RGS6: variants seen among roughly 807,000 people sequenced by gnomAD.
RGS6 encodes the protein regulator of G-protein signaling 6.
A neutral mutation model predicts 78.5 loss-of-function variants in RGS6; 30 were observed. The observed-to-expected ratio is 0.38, with a 90% CI of 0.29 to 0.52. The LOEUF is 0.52. RGS6 is among the 20% of genes least tolerant of loss of function. The pLI, the probability that RGS6 is intolerant of heterozygous loss-of-function variation, is 0.85. For synonymous variants in RGS6, 206 were observed against 206.0 expected (o/e 1.00, Z 0.00); for missense variants, 495 against 609.7 (o/e 0.81, Z 1.98).
At chr14:72,389,236 A>T (rs2089257338) in intron 3 of RGS6, among the ~76,000 whole-genome samples, 1 of 152,130 alleles carries the variant, frequency 6.6e-6, no homozygotes, top group South Asian at 2.1e-4. Flanking sequence ...TGTTCCATCA[A>T]CTGTGTGGTC....
the RGS6 span, among the ~76,000 whole-genome samples, chr14:71,876,075 A>G: frequency 1.3e-5 from 2 of 152,174 alleles, no homozygotes; most frequent in Non-Finnish European, 1.5e-5. Context: ...CTATGTGGTC[A>G]ATTTTGGAAT....
chr14:72,469,207 CTT>C lies in RGS6; in HGVS notation c.460-785_460-784del, dbSNP rs11300461. 7.2e-3 allele frequency among the ~76,000 whole-genome samples: 1,008 copies of C among 139,428 alleles called. 5 individuals are homozygous for C. The highest frequency in any genetic ancestry group is 0.013 in the Non-Finnish European group (836 of 64,272). 91.5% of individuals were successfully genotyped at this position (139,428 alleles called of 152,430 possible). On this transcript the variant is annotated intron_variant, in intron 7 of 17. Transcript: ENST00000553525. The stretch of plus-strand genomic sequence containing the variant: ...AAACGTAGACACTCCGTTTGGGGCA[CTT>C]TTTTTTTTTTTTTTGAAACAGTTTC...
chr14:72,562,954 C>G lies in RGS6; in HGVS notation c.*487C>G. On this transcript the variant is annotated 3_prime_UTR_variant, in exon 18 of 18. Transcript: ENST00000553525. ...ATAGTTACAGCCACTACATCCCCAC[C>G]GCCGCCTGTCATCCCTCACGTCTCT... 1.6e-6 allele frequency: 1 copy of G among 618,104 alleles called. No homozygotes were observed. The highest frequency in any genetic ancestry group is 2.9e-6 in the Non-Finnish European group (1 of 343,452). The allele number at this position is 618,104 out of a possible 1,614,324, so 38.3% of individuals were successfully genotyped here.
chr14:72,470,411 C>T (rs766706029), intron 8 of RGS6, among the ~76,000 whole-genome samples: 9 of 152,326 alleles, frequency 5.9e-5, no homozygotes, highest in African/African-American at 1.2e-4. Context: ...CCATTTTACC[C>T]GTTGGACTGG....
the RGS6 span, among the ~76,000 whole-genome samples, chr14:72,588,415 C>T: frequency 1.2e-4 from 19 of 152,270 alleles, no homozygotes; most frequent in African/African-American, 4.6e-4. Context: ...AGAGTATGAG[C>T]TTAAAATATT....
At chr14:72,421,543 G>T (rs983863174) in intron 3 of RGS6, 1 of 152,098 alleles carries the variant, frequency 6.6e-6, no homozygotes, top group Non-Finnish European at 1.5e-5. Context: ...AGAGGATTTA[G>T]TTTCTCCTGA....
At chr14:71,890,360 G>GACAGAC in the RGS6 span, among the ~76,000 whole-genome samples, 12 of 148,016 alleles carry the variant, frequency 8.1e-5, no homozygotes, top group African/African-American at 2.5e-4. Context: ...GCATAAGACA[G>GACAGAC]AGAGAGAGAG....
intron 3 of RGS6, among the ~76,000 whole-genome samples, chr14:72,355,621 A>T (rs2080108211): frequency 6.6e-6 from 1 of 152,202 alleles, no homozygotes; most frequent in African/African-American, 2.4e-5. Flanking sequence ...TTTATATTCT[A>T]GTAGAGGAGG....
intron 2 of RGS6, among the ~76,000 whole-genome samples, chr14:72,307,664 TATTG>T (rs1386229202): frequency 2.4e-4 from 37 of 152,164 alleles, no homozygotes; most frequent in Non-Finnish European, 3.8e-4. Context: ...AATGTTTTAA[TATTG>T]ATTATTATGT....
At chr14:72,189,972 CT>C (rs2097301837) in intron 2 of RGS6, among the ~76,000 whole-genome samples, 2 of 152,082 alleles carry the variant, frequency 1.3e-5, no homozygotes, top group African/African-American at 4.8e-5. Context: ...CTCTTTAGTT[CT>C]CTCACCCCCT....
intron 2 of RGS6, among the ~76,000 whole-genome samples, chr14:71,994,855 C>T (rs766662442): frequency 7.9e-5 from 12 of 152,184 alleles, no homozygotes; most frequent in Non-Finnish European, 8.8e-5. Context: ...AACTGTGGGA[C>T]GATACATTTC....
chr14:72,354,258 A>C (rs1320918200), intron 3 of RGS6, among the ~76,000 whole-genome samples: 1 of 152,050 alleles, frequency 6.6e-6, no homozygotes, highest in African/African-American at 2.4e-5. Context: ...AGGTACCATC[A>C]TAGGTTCTGG....
intron 2 of RGS6, among the ~76,000 whole-genome samples, chr14:72,263,350 C>G (rs540589959): frequency 6.6e-6 from 1 of 152,266 alleles, no homozygotes; most frequent in South Asian, 2.1e-4. Context: ...TGGTGTTTCT[C>G]TGCAGACTCT....
At chr14:72,359,167 TTTTC>T (rs2080972995) in intron 3 of RGS6, among the ~76,000 whole-genome samples, 3 of 152,324 alleles carry the variant, frequency 2.0e-5, no homozygotes, top group South Asian at 2.1e-4. Context: ...ATTAAACCTC[TTTTC>T]TTTATTTCCC....
intron 2 of RGS6, among the ~76,000 whole-genome samples, chr14:72,049,437 G>A (rs548222525): frequency 9.8e-5 from 15 of 152,310 alleles, no homozygotes; most frequent in African/African-American, 3.6e-4. Context: ...GGAAAGCTTA[G>A]CAAAATGGTG....
intron 2 of RGS6, among the ~76,000 whole-genome samples, chr14:72,167,052 ATT>A (rs33942230): frequency 6.6e-6 from 1 of 151,802 alleles, no homozygotes; most frequent in African/African-American, 2.4e-5. Flanking sequence ...CAAATAAGTC[ATT>A]TTTTTTTCAT....
Position 72,470,017 on chromosome 14 carries a change from C to T in RGS6, c.470C>T (p.Ala157Val). The change falls in exon 8 of 18, where the codon GCA becomes GTA. Residue 157 changes from alanine (A) to valine (V), a missense_variant. Physicochemically the swap from Ala to Val is moderately conservative, Grantham distance 64 (BLOSUM62 0). Coordinates refer to ENST00000553525, the MANE Select transcript of RGS6 (RefSeq NM_001204424.2). ...ELADYEAENL[A>V]RLQRAFARKW... ...TTCATTTCTCATTAGGAAAACTTAG[C>T]AAGACTCCAGAGGGCCTTTGCGAGG... The T allele has an allele frequency of 6.2e-7, 1 of 1,612,650 alleles. No homozygotes were observed. The highest frequency in any genetic ancestry group is 2.2e-5 in the East Asian group (1 of 44,830).
In RGS6 at chr14:72,562,743, G is replaced by A. The variant is rs1450278260; in HGVS notation, c.*276G>A. ...TATTCCAACACTCCACTCGCTAAGA[G>A]GCCCTGATCCCAGCTCATTCAGGGG... On this transcript the variant is annotated 3_prime_UTR_variant, in exon 18 of 18. Transcript: ENST00000553525. 2 of 1,536,176 alleles carry A rather than the reference G, an allele frequency of 1.3e-6. No individual in the cohort carries two copies. Among genetic ancestry groups the A allele is most frequent in the Non-Finnish European group, 8.7e-7 (1 of 1,146,884 alleles).
At chr14:72,274,258 A>AG (rs2060352334) in intron 2 of RGS6, among the ~76,000 whole-genome samples, 2 of 152,290 alleles carry the variant, frequency 1.3e-5, no homozygotes, top group African/African-American at 4.8e-5. Context: ...TCTGAGCTCA[A>AG]AGGTAGGCTC....
Sources: gnomAD v4.1 joint callset for allele counts (sites outside exome capture counted in the v4.1 genomes callset) on GRCh38, gnomAD v4.1.1 for gene constraint, MANE v1.5 for transcripts, NCBI Gene and HGNC (gene_info 2026-07-23, HGNC 2026-07-21) for gene names.